The following PCDHA13 variants were observed in gnomAD, a reference collection of about 807,000 sequenced individuals.
PCDHA13 encodes protocadherin alpha 13.
PCDHA13 carries 54 observed loss-of-function variants against 64.8 expected under a neutral mutation model. The observed-to-expected ratio is 0.83, with a 90% CI of 0.67 to 1.04. PCDHA13 has a LOEUF of 1.04. Ranked by LOEUF, PCDHA13 falls within the 50% of genes least tolerant of loss-of-function variation. The probability of loss-of-function intolerance (pLI) is 0.00; values close to 1 mark genes in which losing one functional copy is unlikely to be tolerated. For synonymous variants in PCDHA13, 587 were observed against 564.4 expected (o/e 1.04, Z -0.57); for missense variants, 1,248 against 1,254.3 (o/e 0.99, Z 0.08).
At chr5:140,899,255 C>A (rs532751288) in intron 1 of PCDHA13, among the ~76,000 whole-genome samples, 1 of 152,258 alleles carries the variant, frequency 6.6e-6, no homozygotes, top group East Asian at 1.9e-4. Flanking sequence ...GAGAGGGCAT[C>A]CCTGTCTTGT....
At chr5:140,958,397 A>T (rs1306610051) in intron 1 of PCDHA13, among the ~76,000 whole-genome samples, 3 of 152,172 alleles carry the variant, frequency 2.0e-5, no homozygotes, top group African/African-American at 7.2e-5. Flanking sequence ...GTCATCAAAC[A>T]TTATCACTGA....
intron 1 of PCDHA13, among the ~76,000 whole-genome samples, chr5:140,964,239 GTTGGC>G (rs2095819198): frequency 6.6e-6 from 1 of 152,180 alleles, no homozygotes; most frequent in African/African-American, 2.4e-5. Context: ...GGCTGATTGT[GTTGGC>G]TTTATATTTG....
Position 140,883,465 on chromosome 5 carries a change from C to T in PCDHA13, c.1197C>T (p.Ser399=). The change falls in exon 1 of 4, where the codon TCC becomes TCT. Residue 399 remains serine, a synonymous_variant. Coordinates refer to ENST00000289272, the MANE Select transcript of PCDHA13 (RefSeq NM_018904.3). Reference sequence around the variant, plus strand: ...CGCATGTCCCCTTCAAGCTGGTGTCCACCTACAAGAACTACTACTCATTAG... The same window carrying T: ...CGCATGTCCCCTTCAAGCTGGTGTCTACCTACAAGAACTACTACTCATTAG... ...LTPHVPFKLV[S]TYKNYYSLVL... 6.2e-7 allele frequency: 1 copy of T among 1,614,156 alleles called. No homozygotes were observed. Among genetic ancestry groups the T allele is most frequent in the South Asian group, 1.1e-5 (1 of 91,088 alleles).
At chr5:140,946,456 G>A (rs1554217589) in intron 1 of PCDHA13, among the ~76,000 whole-genome samples, 1 of 151,574 alleles carries the variant, frequency 6.6e-6, no homozygotes, top group African/African-American at 2.4e-5. Flanking sequence ...CAACTATCCA[G>A]CAATCCCACT....
At chr5:140,900,192 A>G (rs1280412667) in intron 1 of PCDHA13, among the ~76,000 whole-genome samples, 2 of 152,186 alleles carry the variant, frequency 1.3e-5, no homozygotes, top group African/African-American at 2.4e-5. Flanking sequence ...ACTTATAATG[A>G]CATCCAGTTT....
At chr5:141,007,156 G>A (rs1289202250) in intron 3 of PCDHA13, among the ~76,000 whole-genome samples, 2 of 152,148 alleles carry the variant, frequency 1.3e-5, no homozygotes, top group Non-Finnish European at 1.5e-5. Context: ...AACTGTCAAA[G>A]AACAGTCAGA....
At chr5:140,918,941 T>C (rs1476342004) in intron 1 of PCDHA13, among the ~76,000 whole-genome samples, 1 of 152,228 alleles carries the variant, frequency 6.6e-6, no homozygotes, top group East Asian at 1.9e-4. Context: ...TTTGTTATAA[T>C]ATCCTGAACA....
intron 1 of PCDHA13, among the ~76,000 whole-genome samples, chr5:140,962,176 C>T (rs1554225858): frequency 6.6e-6 from 1 of 152,104 alleles, no homozygotes; most frequent in Admixed American, 6.6e-5. Flanking sequence ...CACCCGGCCA[C>T]TTATATCACT....
At position 140,945,942 on chromosome 5, in the gene PCDHA13, A is replaced by G. The variant is rs534164272; in HGVS notation, c.2395-33007A>G. 2.0e-5 allele frequency among the ~76,000 whole-genome samples: 3 copies of G among 152,196 alleles called. No individual in the cohort carries two copies. In the South Asian group the frequency reaches 6.2e-4, roughly 32 times the overall value. ...ACTGATCTGAGCAATGATGTTTTTT[A>G]TATGACCCTGAAAGCACAGGCAATA... On this transcript the variant is annotated intron_variant, in intron 1 of 3. Coordinates refer to ENST00000289272, the MANE Select transcript of PCDHA13 (RefSeq NM_018904.3).
Position 140,883,556 on chromosome 5 carries a change from G to C in PCDHA13, c.1288G>C (p.Gly430Arg), listed in dbSNP as rs144498761. ...AYELVVTARD[G>R]GSPSLWATAS... is the part of the protein sequence containing the mutation. ...TGAACTGGTGGTGACCGCGCGGGAC[G>C]GGGGCTCGCCTTCGCTGTGGGCCAC... Residue 430 changes from glycine (G) to arginine (R), a missense_variant, in exon 1 of 4, where the codon GGG becomes CGG. By Grantham distance (125) the Gly-to-Arg change is moderately radical (BLOSUM62 -2). Transcript: ENST00000289272. The C allele has an allele frequency of 2.1e-4, 339 of 1,614,184 alleles. 1 individual carries two copies. In the Middle Eastern group the frequency reaches 8.9e-3, roughly 42 times the overall value.
rs541589842 is a variant in PCDHA13, at chr5:140,964,001, A to G, written c.2395-14948A>G. Reference sequence around the variant, plus strand: ...TCTATATTCCTAATTACTGTGTTCTACTTTTTAATAGAGAGCTCTTGAAGG... The same window carrying G: ...TCTATATTCCTAATTACTGTGTTCTGCTTTTTAATAGAGAGCTCTTGAAGG... On this transcript the variant is annotated intron_variant, in intron 1 of 3. Transcript: ENST00000289272. Among the ~76,000 whole-genome samples the G allele has an allele frequency of 9.2e-5, 14 of 152,286 alleles. No homozygotes were observed. The South Asian group carries it at 2.7e-3, about 29-fold the overall frequency.
Position 141,010,405 on chromosome 5 carries a change from C to G in PCDHA13, c.*468C>G. On this transcript the variant is annotated 3_prime_UTR_variant, in exon 4 of 4. Transcript: ENST00000289272. ...ATTGGCTGAGACGAGCCAGCTTAGA[C>G]TAATTGGTACAAGGAAGGCAAGAAA... 1 of 1,260,098 alleles carries G rather than the reference C, an allele frequency of 7.9e-7. No homozygotes were observed. Among genetic ancestry groups the G allele is most frequent in the South Asian group, 1.6e-5 (1 of 64,208 alleles). 78.1% of individuals were successfully genotyped at this position (1,260,098 alleles called of 1,614,324 possible). A position where few individuals can be genotyped will look rare whatever the true frequency, so the allele number is the denominator to read the frequency against.
intron 1 of PCDHA13, among the ~76,000 whole-genome samples, chr5:140,886,246 A>G (rs1337527671): frequency 1.3e-5 from 2 of 152,144 alleles, no homozygotes; most frequent in Admixed American, 1.3e-4. Flanking sequence ...AAATAAATAA[A>G]AGTATCTCTA....
chr5:140,890,550 C>A (rs1162286556), intron 1 of PCDHA13, among the ~76,000 whole-genome samples: 1 of 151,958 alleles, frequency 6.6e-6, no homozygotes, highest in Admixed American at 6.6e-5. Context: ...TGACTGAGTA[C>A]TTTTTATTGT....
intron 1 of PCDHA13, among the ~76,000 whole-genome samples, chr5:140,898,131 T>C (rs371489317): frequency 6.6e-6 from 1 of 152,156 alleles, no homozygotes; most frequent in Non-Finnish European, 1.5e-5. Context: ...TTCTCCCATT[T>C]TGTAGGTTGC....
At chr5:140,897,187 TA>T (rs1554187233) in intron 1 of PCDHA13, among the ~76,000 whole-genome samples, 7 of 152,166 alleles carry the variant, frequency 4.6e-5, no homozygotes, top group Non-Finnish European at 1.0e-4. Context: ...TCAAAAAATA[TA>T]TTTTTTTATT....
At chr5:140,923,664 T>C (rs898223251) in intron 1 of PCDHA13, among the ~76,000 whole-genome samples, 1 of 152,234 alleles carries the variant, frequency 6.6e-6, no homozygotes, top group Non-Finnish European at 1.5e-5. Context: ...CTTTGGGATA[T>C]CGTTCTCTCT....
chr5:140,952,923 C>T (rs1554220692), intron 1 of PCDHA13, among the ~76,000 whole-genome samples: 1 of 151,990 alleles, frequency 6.6e-6, no homozygotes, highest in East Asian at 1.9e-4. Context: ...ATGGCATGAG[C>T]AGGAGCAGGA....
At chr5:140,946,452 T>C (rs2093945325) in intron 1 of PCDHA13, among the ~76,000 whole-genome samples, 1 of 151,436 alleles carries the variant, frequency 6.6e-6, no homozygotes. Flanking sequence ...AAAACAACTA[T>C]CCAGCAATCC....
Sources: allele counts gnomAD v4.1 joint callset (sites outside exome capture counted in the v4.1 genomes callset), GRCh38; gene constraint gnomAD v4.1.1; transcripts MANE v1.5; gene names NCBI Gene and HGNC (gene_info 2026-07-23, HGNC 2026-07-21).